The following RELB variants were observed in gnomAD, a reference collection of about 807,000 sequenced individuals.
RELB encodes RELB proto-oncogene, NF-kB subunit.
Under a neutral mutation model 55.4 loss-of-function variants are expected in RELB, and 14 were observed. That is an observed-to-expected ratio of 0.25 (90% CI 0.17 to 0.40). The LOEUF (loss-of-function observed/expected upper bound fraction) is 0.40. Among genes scored for constraint, RELB ranks in the 10% least tolerant of loss-of-function variants. RELB has a pLI of 1.00. For synonymous variants in RELB, 409 were observed against 371.3 expected (o/e 1.10, Z -1.17); for missense variants, 669 against 830.7 (o/e 0.81, Z 2.39).
intron 4 of RELB, chr19:45,021,813 G>A: frequency 2.4e-6 from 1 of 410,754 alleles, no homozygotes; most frequent in Non-Finnish European, 4.4e-6. Context: ...GACCTCAGGT[G>A]ATCCGCCCAC....
chr19:45,031,639 G>C (rs1291483775), intron 8 of RELB, among the ~76,000 whole-genome samples: 1 of 151,846 alleles, frequency 6.6e-6, no homozygotes, highest in Non-Finnish European at 1.5e-5. Context: ...GCAGTGGTGC[G>C]ATCTTGGCTC....
At chr19:45,019,919 C>T (rs1971462704) in intron 4 of RELB, among the ~76,000 whole-genome samples, 1 of 150,778 alleles carries the variant, frequency 6.6e-6, no homozygotes, top group African/African-American at 2.4e-5. Context: ...TCAGTTGATC[C>T]ACCCACCTCG....
intron 4 of RELB, among the ~76,000 whole-genome samples, chr19:45,016,229 C>T (rs1310560299): frequency 6.6e-6 from 1 of 152,166 alleles, no homozygotes; most frequent in Non-Finnish European, 1.5e-5. Flanking sequence ...AAGTGATCTG[C>T]CTGCCTCAGC....
chr19:45,014,989 G>A lies in RELB; in HGVS notation c.504+2713G>A, dbSNP rs181651676. On this transcript the variant is annotated intron_variant, in intron 4 of 11. Coordinates refer to ENST00000221452, the MANE Select transcript of RELB (RefSeq NM_006509.4). ...GTGATCTCAGCTCACTGCAACTTCCGCCTCCTGGGTTCAAGCGATTCTCCT... is the reference window on the plus strand; with the variant it reads ...GTGATCTCAGCTCACTGCAACTTCCACCTCCTGGGTTCAAGCGATTCTCCT... 1.1e-3 allele frequency among the ~76,000 whole-genome samples: 161 copies of A among 147,530 alleles called. 1 individual carries two copies. The highest frequency in any genetic ancestry group is 4.0e-3 in the African/African-American group (158 of 39,944).
At chr19:45,012,747 A>AG (rs1971378027) in intron 4 of RELB, among the ~76,000 whole-genome samples, 1 of 42,290 alleles carries the variant, frequency 2.4e-5, no homozygotes, top group South Asian at 6.5e-4. Context: ...AAAAAAAAAG[A>AG]AAAAAAAAAA....
At chr19:45,018,732 A>G (rs868522370) in intron 4 of RELB, among the ~76,000 whole-genome samples, 1 of 150,642 alleles carries the variant, frequency 6.6e-6, no homozygotes, top group Middle Eastern at 3.4e-3. Flanking sequence ...GCTGTAGTGC[A>G]ATGGCGCGAT....
At chr19:45,034,349 G>A (rs900883262) in intron 10 of RELB, 37 bp downstream of exon 10, 3 of 1,608,610 alleles carry the variant, frequency 1.9e-6, no homozygotes, top group Non-Finnish European at 2.6e-6. Context: ...CCCATCCCCA[G>A]GTTCTGGGGA....
chr19:45,036,078 T>A (rs1971682670), intron 11 of RELB, among the ~76,000 whole-genome samples: 1 of 151,376 alleles, frequency 6.6e-6, no homozygotes, highest in Non-Finnish European at 1.5e-5. Flanking sequence ...AAAAAGAGAG[T>A]CCCTCTTTTT....
chr19:45,025,825 G>GTGAGCCACAGCGC, intron 7 of RELB, 88 bp downstream of exon 7: 3 of 1,533,600 alleles, frequency 2.0e-6, no homozygotes, highest in South Asian at 1.1e-5. Context: ...TGGCTCAGGC[G>GTGAGCCACAGCGC]CTGTGGCTCA....
At chr19:45,014,079 G>T (rs1026864966) in intron 4 of RELB, among the ~76,000 whole-genome samples, 1 of 151,068 alleles carries the variant, frequency 6.6e-6, no homozygotes, top group African/African-American at 2.4e-5. Context: ...CTTTCCCTTT[G>T]TAATGAATTG....
intron 5 of RELB, among the ~76,000 whole-genome samples, chr19:45,024,378 G>A (rs1971531325): frequency 6.6e-6 from 1 of 151,572 alleles, no homozygotes; most frequent in South Asian, 2.1e-4. Context: ...TAGCCAAGGT[G>A]GTCTCGATCT....
At chr19:45,015,164 A>G (rs142704517) in intron 4 of RELB, among the ~76,000 whole-genome samples, 2 of 152,078 alleles carry the variant, frequency 1.3e-5, no homozygotes, top group East Asian at 3.9e-4. Flanking sequence ...CGGCCTCCCA[A>G]AGTGCTGGGA....
At chr19:45,009,735 G>A in intron 2 of RELB, 79 bp from the exon 3 acceptor site, 1 of 1,518,870 alleles carries the variant, frequency 6.6e-7, no homozygotes. Flanking sequence ...CAGGGTTGGG[G>A]AATCTGTCTT....
Position 45,032,710 on chromosome 19 carries a change from A to G in RELB, c.1168A>G (p.Ser390Gly). The G allele has an allele frequency of 6.2e-7, 1 of 1,609,080 alleles. No individual in the cohort carries two copies. Among genetic ancestry groups the G allele is most frequent in the Non-Finnish European group, 8.5e-7 (1 of 1,178,016 alleles). ...FLQRLTDGVC[S>G]EPLPFTYLPR... ...GCAGCGGCTCACCGATGGGGTCTGC[A>G]GCGAGCCATTGCCTTTCACGTACCT... Residue 390 changes from serine to glycine, a missense_variant, in exon 9 of 12, where the codon AGC (serine) becomes GGC (glycine). By Grantham distance (56) the Ser-to-Gly change is moderately conservative. Transcript: ENST00000221452.
chr19:45,017,992 C>A (rs1277501161), intron 4 of RELB, among the ~76,000 whole-genome samples: 2 of 150,678 alleles, frequency 1.3e-5, no homozygotes, highest in Non-Finnish European at 3.0e-5. Flanking sequence ...AGAGACCAGG[C>A]GCGGTGGCTC....
At chr19:45,003,927 T>TTG (rs1971249928) in intron 2 of RELB, among the ~76,000 whole-genome samples, 1 of 127,638 alleles carries the variant, frequency 7.8e-6, no homozygotes, top group Non-Finnish European at 1.7e-5. Flanking sequence ...TTTTTTTTTT[T>TTG]TTTTTTTTTT....
At chr19:45,028,585 C>T (rs879894045) in intron 7 of RELB, among the ~76,000 whole-genome samples, 8 of 151,964 alleles carry the variant, frequency 5.3e-5, no homozygotes, top group South Asian at 2.1e-4. Flanking sequence ...CCACCTGCCT[C>T]GGCCTCCCAA....
At chr19:45,030,010 A>G (rs1256599101) in intron 8 of RELB, among the ~76,000 whole-genome samples, 3 of 152,062 alleles carry the variant, frequency 2.0e-5, no homozygotes, top group Non-Finnish European at 2.9e-5. Flanking sequence ...TCTACAAAAA[A>G]TAAAAAATTT....
intron 5 of RELB, among the ~76,000 whole-genome samples, chr19:45,022,641 G>A (rs993413560): frequency 3.3e-5 from 5 of 150,650 alleles, no homozygotes; most frequent in African/African-American, 7.3e-5. Flanking sequence ...TCCACCTCCC[G>A]GATTCAAGTG....
Sources: gnomAD v4.1 joint callset for allele counts (sites outside exome capture counted in the v4.1 genomes callset) on GRCh38, gnomAD v4.1.1 for gene constraint, MANE v1.5 for transcripts, NCBI Gene and HGNC (gene_info 2026-07-23, HGNC 2026-07-21) for gene names.